SLC16A7: variants seen among roughly 807,000 people sequenced by gnomAD.
The protein encoded by SLC16A7 is solute carrier family 16 member 7, also known as monocarboxylate transporter 2.
In SLC16A7, 33 loss-of-function variants were observed where a neutral mutation model predicts 34.9. The ratio of observed to expected loss-of-function variants is 0.94; its 90% CI spans 0.72 to 1.26. The LOEUF (loss-of-function observed/expected upper bound fraction) is 1.26. Ranked by LOEUF, SLC16A7 falls within the 50% of genes most tolerant of loss-of-function variation. The pLI, the probability that SLC16A7 is intolerant of heterozygous loss-of-function variation, is 0.00. For missense variants in SLC16A7, 573 were observed against 578.1 expected (o/e 0.99, Z 0.09); for synonymous variants, 201 against 206.6 (o/e 0.97, Z 0.23).
chr12:59,704,199 C>CAAAAAAAAAA (rs34021022), intron 2 of SLC16A7, among the ~76,000 whole-genome samples: 1 of 51,604 alleles, frequency 1.9e-5, no homozygotes, highest in African/African-American at 6.2e-5. Context: ...GACTCTGTCT[C>CAAAAAAAAAA]AAAAAAAAAA....
intron 2 of SLC16A7, among the ~76,000 whole-genome samples, chr12:59,672,575 G>GCTT (rs527523584): frequency 6.6e-6 from 1 of 151,864 alleles, no homozygotes; most frequent in Non-Finnish European, 1.5e-5. Flanking sequence ...CAATGGAGAT[G>GCTT]CTTCTTCTTC....
At chr12:59,651,551 C>T (rs1407792009) in intron 1 of SLC16A7, among the ~76,000 whole-genome samples, 1 of 152,134 alleles carries the variant, frequency 6.6e-6, no homozygotes, top group Non-Finnish European at 1.5e-5. Flanking sequence ...GAATCTGTCT[C>T]CAGTGACTTT....
intron 2 of SLC16A7, among the ~76,000 whole-genome samples, chr12:59,684,344 T>G (rs1019985604): frequency 3.3e-5 from 5 of 152,188 alleles, no homozygotes; most frequent in Non-Finnish European, 7.3e-5. Context: ...GAGGGACTCC[T>G]TTTCCTCTAG....
chr12:59,740,880 A>G (rs1007772290), intron 3 of SLC16A7, among the ~76,000 whole-genome samples: 2 of 152,268 alleles, frequency 1.3e-5, no homozygotes, highest in Non-Finnish European at 2.9e-5. Flanking sequence ...ATACAAAATC[A>G]ATGTACAAAA....
At chr12:59,754,471 A>G (rs1403487707) in intron 3 of SLC16A7, among the ~76,000 whole-genome samples, 1 of 152,216 alleles carries the variant, frequency 6.6e-6, no homozygotes, top group Non-Finnish European at 1.5e-5. Flanking sequence ...AGAGAATACT[A>G]CAAACACCTC....
intron 3 of SLC16A7, among the ~76,000 whole-genome samples, chr12:59,764,436 CTCG>C (rs1881354178): frequency 6.6e-6 from 1 of 151,712 alleles, no homozygotes; most frequent in Admixed American, 6.6e-5. Context: ...CGCCCATTAA[CTCG>C]TCATTTAGCA....
intron 1 of SLC16A7, among the ~76,000 whole-genome samples, chr12:59,644,096 G>T (rs1438195901): frequency 6.6e-6 from 1 of 151,952 alleles, no homozygotes; most frequent in Non-Finnish European, 1.5e-5. Context: ...ATAACATTTG[G>T]CATAAAATCA....
chr12:59,693,731 A>G (rs567322529), intron 2 of SLC16A7, among the ~76,000 whole-genome samples: 3 of 151,976 alleles, frequency 2.0e-5, no homozygotes, highest in Admixed American at 2.0e-4. Context: ...GAACAAGACC[A>G]TCAGAATGGA....
At chr12:59,634,739 T>C (rs959243179) in intron 1 of SLC16A7, among the ~76,000 whole-genome samples, 3 of 152,078 alleles carry the variant, frequency 2.0e-5, no homozygotes, top group African/African-American at 7.2e-5. Context: ...TGAAGAAGGC[T>C]TAAGAGTCTG....
rs374194061 is a variant in SLC16A7 at position 59,738,348 on chromosome 12, G to A, written c.218-32871G>A. On this transcript the variant is annotated intron_variant, in intron 3 of 5. Coordinates refer to ENST00000547379, the MANE Select transcript of SLC16A7 (RefSeq NM_001270623.2). The stretch of plus-strand genomic sequence containing the variant: ...TAACAAAAACATAATTCTTCAAAGC[G>A]TATGTGTGAATGATTGTGAAATACA... 6.6e-5 allele frequency among the ~76,000 whole-genome samples: 10 copies of A among 152,266 alleles called. No individual in the cohort carries two copies. The South Asian group carries it at 1.7e-3, about 25-fold the overall frequency.
chr12:59,608,653 A>G (rs947216626), intron 1 of SLC16A7, among the ~76,000 whole-genome samples: 9 of 152,214 alleles, frequency 5.9e-5, no homozygotes, highest in African/African-American at 1.9e-4. Flanking sequence ...TAAGGCTTAT[A>G]AAAAATTGTT....
At chr12:59,643,968 A>G (rs1461250755) in intron 1 of SLC16A7, among the ~76,000 whole-genome samples, 1 of 152,184 alleles carries the variant, frequency 6.6e-6, no homozygotes, top group Non-Finnish European at 1.5e-5. Context: ...GATAACTCTT[A>G]GGTTACCCTT....
At chr12:59,706,349 C>G (rs770771081) in intron 3 of SLC16A7, among the ~76,000 whole-genome samples, 14 of 141,494 alleles carry the variant, frequency 9.9e-5, no homozygotes, top group Non-Finnish European at 2.1e-4. Flanking sequence ...ACAGTTGATC[C>G]TGAAATAATT....
intron 3 of SLC16A7, among the ~76,000 whole-genome samples, chr12:59,755,757 T>A (rs555982069): frequency 6.6e-6 from 1 of 152,326 alleles, no homozygotes; most frequent in South Asian, 2.1e-4. Context: ...AAAAAGCTAC[T>A]TTCAAGTTCA....
chr12:59,688,164 T>G (rs1284548794), intron 2 of SLC16A7, among the ~76,000 whole-genome samples: 1 of 152,074 alleles, frequency 6.6e-6, no homozygotes, highest in Non-Finnish European at 1.5e-5. Context: ...CTCCTCTTCT[T>G]TTGATAATTA....
chr12:59,761,065 C>A, intron 3 of SLC16A7: 1 of 694,200 alleles, frequency 1.4e-6, no homozygotes, highest in Non-Finnish European at 2.2e-6. Flanking sequence ...TAAAAAATCA[C>A]GTCTTGACAA....
chr12:59,751,996 G>A (rs187644980), intron 3 of SLC16A7, among the ~76,000 whole-genome samples: 137 of 152,296 alleles, frequency 9.0e-4, no homozygotes, highest in African/African-American at 2.8e-3. Context: ...CAGGCAAACA[G>A]GGTCTGGAGT....
At chr12:59,612,658 C>T (rs566260336) in intron 1 of SLC16A7, among the ~76,000 whole-genome samples, 43 of 152,250 alleles carry the variant, frequency 2.8e-4, no homozygotes, top group African/African-American at 8.4e-4. Context: ...TGTGCTTCCT[C>T]TTGAATGCTT....
chr12:59,716,008 G>C (rs1440339828), intron 3 of SLC16A7, among the ~76,000 whole-genome samples: 1 of 152,150 alleles, frequency 6.6e-6, no homozygotes, highest in African/African-American at 2.4e-5. Context: ...ACTTTCTTAA[G>C]CTATAAAAGC....
Sources: allele counts gnomAD v4.1 joint callset (sites outside exome capture counted in the v4.1 genomes callset), GRCh38; gene constraint gnomAD v4.1.1; transcripts MANE v1.5; gene names NCBI Gene and HGNC (gene_info 2026-07-23, HGNC 2026-07-21).